Variants in CLDN10 observed in about 807,000 individuals in gnomAD.
The protein encoded by CLDN10 is claudin 10, also known as claudin-10.
A neutral mutation model predicts 22.9 loss-of-function variants in CLDN10; 15 were observed. The observed-to-expected ratio is 0.65, with a 90% confidence interval of 0.44 to 1.01. The LOEUF is 1.01. Ranked by LOEUF, CLDN10 falls within the 50% of genes least tolerant of loss-of-function variation. The pLI is 0.00. For missense variants in CLDN10, 247 were observed against 287.8 expected (o/e 0.86, Z 1.03); for synonymous variants, 114 against 111.4 (o/e 1.02, Z -0.15).
intron 1 of CLDN10, among the ~76,000 whole-genome samples, chr13:95,464,269 C>G (rs2042563849): frequency 6.6e-6 from 1 of 152,082 alleles, no homozygotes; most frequent in South Asian, 2.1e-4. Context: ...CACCCCACAA[C>G]AGGCCCCGGT....
At chr13:95,520,924 C>G (rs1265468679) in intron 1 of CLDN10, among the ~76,000 whole-genome samples, 1 of 150,964 alleles carries the variant, frequency 6.6e-6, no homozygotes, top group Non-Finnish European at 1.5e-5. Flanking sequence ...GAGATCACAC[C>G]AATGCACTCC....
intron 1 of CLDN10, among the ~76,000 whole-genome samples, chr13:95,444,581 C>T (rs1284627783): frequency 6.6e-6 from 1 of 152,150 alleles, no homozygotes; most frequent in Non-Finnish European, 1.5e-5. Flanking sequence ...ACACTGACTT[C>T]TCAAAGAGCT....
At chr13:95,447,278 G>C (rs1016238242) in intron 1 of CLDN10, among the ~76,000 whole-genome samples, 1 of 152,170 alleles carries the variant, frequency 6.6e-6, no homozygotes, top group Non-Finnish European at 1.5e-5. Flanking sequence ...ATTTTAGCCT[G>C]CTCTGGAGGA....
At chr13:95,462,859 C>T (rs2042547363) in intron 1 of CLDN10, among the ~76,000 whole-genome samples, 1 of 152,180 alleles carries the variant, frequency 6.6e-6, no homozygotes, top group Non-Finnish European at 1.5e-5. Flanking sequence ...AATTCCACTA[C>T]TAACAGTCCA....
intron 1 of CLDN10, among the ~76,000 whole-genome samples, chr13:95,540,409 G>A (rs1051525382): frequency 2.8e-4 from 42 of 151,998 alleles, no homozygotes; most frequent in African/African-American, 5.6e-4. Context: ...CAAGAGAATC[G>A]CTTGAGCCTG....
chr13:95,563,095 ACTCTCTCTCT>A lies in CLDN10; in HGVS notation c.464+2663_464+2672del, dbSNP rs34473629. 2.7e-3 allele frequency among the ~76,000 whole-genome samples: 347 copies of A among 128,120 alleles called. 1 individual carries two copies. The highest frequency in any genetic ancestry group is 7.3e-3 in the African/African-American group (239 of 32,848). 84.1% of individuals were successfully genotyped at this position (128,120 alleles called of 152,430 possible). A position where few individuals can be genotyped will look rare whatever the true frequency, so the allele number is the denominator to read the frequency against. On this transcript the variant is annotated intron_variant, in intron 3 of 4. Coordinates refer to ENST00000299339, the MANE Select transcript of CLDN10 (RefSeq NM_006984.5). ...TTTCTCTTTCTGTCTCTGCCTACCC[ACTCTCTCTCT>A]CTCTCTCTCTCTCTCTCTCTCTCTC...
intron 1 of CLDN10, among the ~76,000 whole-genome samples, chr13:95,531,363 T>C (rs1237140229): frequency 6.6e-6 from 1 of 152,222 alleles, no homozygotes; most frequent in African/African-American, 2.4e-5. Flanking sequence ...ATGAAAGTTA[T>C]ATCCCTGAAA....
chr13:95,451,010 G>A (rs924154924), intron 1 of CLDN10, among the ~76,000 whole-genome samples: 15 of 152,150 alleles, frequency 9.9e-5, no homozygotes, highest in Admixed American at 5.9e-4. Context: ...ACCCATGCCC[G>A]TTTTGCAGGT....
Position 95,560,164 on chromosome 13 carries a change from G to A in CLDN10, c.253G>A (p.Ala85Thr), listed in dbSNP as rs774156411. Residue 85 changes from alanine (A) to threonine (T), a missense_variant, in exon 2 of 5, where the codon GCT (alanine) becomes ACT (threonine). Transcript: ENST00000299339. ...ACAGGCATGTAGAGGACTTATGATC[G>A]CTGCTGTCAGCCTGGGCTTCTTTGG... ...YIQACRGLMI[A>T]AVSLGFFGSI... The A allele has an allele frequency of 2.8e-5, 45 of 1,614,008 alleles. No individual in the cohort carries two copies. The highest frequency in any genetic ancestry group is 3.3e-4 in the Middle Eastern group (2 of 6,084).
chr13:95,502,587 T>G (rs1175867365), intron 1 of CLDN10, among the ~76,000 whole-genome samples: 1 of 152,210 alleles, frequency 6.6e-6, no homozygotes, highest in Non-Finnish European at 1.5e-5. Flanking sequence ...TGGCATGATC[T>G]CAGCTCACTG....
chr13:95,450,916 G>C (rs931221107), intron 1 of CLDN10, among the ~76,000 whole-genome samples: 1 of 152,184 alleles, frequency 6.6e-6, no homozygotes, highest in Non-Finnish European at 1.5e-5. Flanking sequence ...GTTCAGCTGC[G>C]TTGAGAGCAT....
chr13:95,572,739 CTA>C (rs1159523796), intron 3 of CLDN10, among the ~76,000 whole-genome samples: 1 of 152,170 alleles, frequency 6.6e-6, no homozygotes, highest in African/African-American at 2.4e-5. Flanking sequence ...CCCCACTAGA[CTA>C]TACAATCTGG....
At chr13:95,443,433 A>G (rs928328645) in intron 1 of CLDN10, among the ~76,000 whole-genome samples, 1 of 152,248 alleles carries the variant, frequency 6.6e-6, no homozygotes, top group Non-Finnish European at 1.5e-5. Context: ...TAAGATGCAC[A>G]GACATGGAAA....
At chr13:95,493,597 C>T (rs2042899100) in intron 1 of CLDN10, among the ~76,000 whole-genome samples, 1 of 147,602 alleles carries the variant, frequency 6.8e-6, no homozygotes, top group Non-Finnish European at 1.5e-5. Flanking sequence ...CTCACTCTGT[C>T]ACCTAGGCTG....
At chr13:95,462,567 G>A (rs2042545078) in intron 1 of CLDN10, among the ~76,000 whole-genome samples, 1 of 152,202 alleles carries the variant, frequency 6.6e-6, no homozygotes, top group African/African-American at 2.4e-5. Flanking sequence ...TTACAAGGGT[G>A]GTTGGGAGTC....
chr13:95,512,488 A>G (rs561230377), intron 1 of CLDN10, among the ~76,000 whole-genome samples: 31 of 152,314 alleles, frequency 2.0e-4, no homozygotes, highest in African/African-American at 6.7e-4. Context: ...AAGTCTAGGA[A>G]GGGAGAGATT....
intron 1 of CLDN10, among the ~76,000 whole-genome samples, chr13:95,450,694 C>T (rs958264800): frequency 6.6e-5 from 10 of 152,244 alleles, no homozygotes; most frequent in African/African-American, 2.4e-4. Context: ...CCTGTCAAAT[C>T]TGATGCTCAC....
At chr13:95,556,207 G>T (rs1185016804) in intron 1 of CLDN10, among the ~76,000 whole-genome samples, 3 of 151,982 alleles carry the variant, frequency 2.0e-5, no homozygotes, top group Non-Finnish European at 4.4e-5. Flanking sequence ...TGCCACACCT[G>T]GCTGATTTTT....
intron 1 of CLDN10, among the ~76,000 whole-genome samples, chr13:95,532,792 CAAAA>C (rs57500288): frequency 6.4e-5 from 4 of 62,022 alleles, no homozygotes; most frequent in Admixed American, 5.1e-4. Context: ...CTCAATTCAG[CAAAA>C]AAAAAAAAAA....
Sources: allele counts gnomAD v4.1 joint callset (sites outside exome capture counted in the v4.1 genomes callset), GRCh38; gene constraint gnomAD v4.1.1; transcripts MANE v1.5; gene names NCBI Gene and HGNC (gene_info 2026-07-23, HGNC 2026-07-21).